Variants in OPCML observed in about 807,000 individuals in gnomAD.
OPCML encodes opioid-binding protein/cell adhesion molecule.
OPCML carries 13 observed loss-of-function variants against 37.8 expected under a neutral mutation model. That is an observed-to-expected ratio of 0.34 (90% CI 0.22 to 0.55). The LOEUF (loss-of-function observed/expected upper bound fraction) is 0.55. OPCML is among the 20% of genes least tolerant of loss of function. The pLI is 0.91. For synonymous variants in OPCML, 176 were observed against 168.8 expected (o/e 1.04, Z -0.33); for missense variants, 341 against 435.6 (o/e 0.78, Z 1.93).
intron 1 of OPCML, among the ~76,000 whole-genome samples, chr11:132,979,884 C>A (rs193021679): frequency 1.3e-5 from 2 of 152,120 alleles, no homozygotes; most frequent in African/African-American, 4.8e-5. Flanking sequence ...CAGGAGGAAG[C>A]CTGACTATTC....
At chr11:132,584,953 G>A (rs891082371) in intron 3 of OPCML, among the ~76,000 whole-genome samples, 2 of 152,194 alleles carry the variant, frequency 1.3e-5, no homozygotes, top group African/African-American at 4.8e-5. Flanking sequence ...TATTTGAACA[G>A]TTGGCTGCCT....
chr11:132,906,492 T>C (rs1393754497), intron 2 of OPCML, among the ~76,000 whole-genome samples: 1 of 152,180 alleles, frequency 6.6e-6, no homozygotes, highest in Non-Finnish European at 1.5e-5. Flanking sequence ...TTTTTGGTAA[T>C]ATTAATTTTA....
intron 2 of OPCML, among the ~76,000 whole-genome samples, chr11:132,735,823 T>C (rs963844563): frequency 6.6e-6 from 1 of 152,050 alleles, no homozygotes. Flanking sequence ...CAGATTGGAT[T>C]GAAAGAAAAC....
At chr11:133,411,974 G>A (rs1046356494) in intron 1 of OPCML, among the ~76,000 whole-genome samples, 1 of 152,128 alleles carries the variant, frequency 6.6e-6, no homozygotes, top group Non-Finnish European at 1.5e-5. Flanking sequence ...CATGGAGGCA[G>A]CTACTTATTT....
At chr11:132,819,919 A>G (rs768103176) in intron 2 of OPCML, among the ~76,000 whole-genome samples, 2 of 152,096 alleles carry the variant, frequency 1.3e-5, no homozygotes, top group Non-Finnish European at 2.9e-5. Flanking sequence ...GCTTCCTTTA[A>G]TGATGTGCCT....
rs534206118 is a variant in OPCML at position 132,499,365 on chromosome 11, A to G, written c.505+29696T>C. Among the ~76,000 whole-genome samples, 333 of 152,282 alleles carry G rather than the reference A, an allele frequency of 2.2e-3. 5 individuals carry two copies. The highest frequency in any genetic ancestry group is 6.0e-3 in the South Asian group (29 of 4,824). ...TTACGCTGCCTCCCTCAGAAGAGCT[A>G]AGATTGAGGGCTTGTCAGCAGCTGG... On this transcript the variant is annotated intron_variant, in intron 4 of 7. Coordinates refer to ENST00000524381, the MANE Select transcript of OPCML (RefSeq NM_001012393.5).
Position 133,032,401 on chromosome 11 carries a change from C to G in OPCML, c.62-89391G>C, listed in dbSNP as rs138876924. 7.9e-5 allele frequency among the ~76,000 whole-genome samples: 12 copies of G among 152,264 alleles called. No homozygotes were observed. The East Asian group carries it at 2.3e-3, about 29-fold the overall frequency. On this transcript the variant is annotated intron_variant, in intron 1 of 7. Coordinates refer to ENST00000524381, the MANE Select transcript of OPCML (RefSeq NM_001012393.5). ...CTTTATTGGTGGGCTCAGTCTTCAT[C>G]CAGAATGTGTAGTCTATCCCAGCTC...
At chr11:132,910,639 T>G (rs1188914614) in intron 2 of OPCML, among the ~76,000 whole-genome samples, 1 of 152,216 alleles carries the variant, frequency 6.6e-6, no homozygotes, top group Non-Finnish European at 1.5e-5. Context: ...AGATGATCCC[T>G]TCATCACCTG....
At chr11:132,451,439 C>T (rs2096068149) in intron 4 of OPCML, among the ~76,000 whole-genome samples, 1 of 152,152 alleles carries the variant, frequency 6.6e-6, no homozygotes, top group African/African-American at 2.4e-5. Context: ...ACCACAGAGG[C>T]ACAGAACACT....
At chr11:133,410,993 T>G (rs1004284937) in intron 1 of OPCML, among the ~76,000 whole-genome samples, 1 of 152,154 alleles carries the variant, frequency 6.6e-6, no homozygotes, top group Non-Finnish European at 1.5e-5. Flanking sequence ...TCCTCAAGCA[T>G]CTTCGCATTT....
intron 4 of OPCML, among the ~76,000 whole-genome samples, chr11:132,466,393 A>T (rs893162472): frequency 1.3e-5 from 2 of 151,206 alleles, no homozygotes; most frequent in Non-Finnish European, 2.9e-5. Flanking sequence ...CTGAGGCAGG[A>T]GAATGGCGTG....
chr11:133,124,784 A>G (rs1191781684), intron 1 of OPCML, among the ~76,000 whole-genome samples: 1 of 152,146 alleles, frequency 6.6e-6, no homozygotes, highest in African/African-American at 2.4e-5. Context: ...TTTTCCTCAT[A>G]GTCTCCTTGT....
intron 2 of OPCML, among the ~76,000 whole-genome samples, chr11:132,737,287 G>A (rs375115823): frequency 6.7e-4 from 102 of 152,204 alleles, no homozygotes; most frequent in African/African-American, 2.3e-3. Context: ...TAATCCTTGG[G>A]TTGCAGTTTT....
At chr11:133,071,874 C>T (rs2137011209) in intron 1 of OPCML, among the ~76,000 whole-genome samples, 1 of 152,274 alleles carries the variant, frequency 6.6e-6, no homozygotes, top group East Asian at 1.9e-4. Context: ...AATCCAAGAG[C>T]AAATCTTCCT....
At chr11:133,091,208 G>T (rs533956976) in intron 1 of OPCML, among the ~76,000 whole-genome samples, 1 of 152,208 alleles carries the variant, frequency 6.6e-6, no homozygotes, top group South Asian at 2.1e-4. Flanking sequence ...TGCTAATTCT[G>T]CAGGTGTGTA....
intron 2 of OPCML, among the ~76,000 whole-genome samples, chr11:132,839,203 G>A (rs913588597): frequency 6.6e-6 from 1 of 152,152 alleles, no homozygotes; most frequent in African/African-American, 2.4e-5. Context: ...GAAAAAAACA[G>A]ACCTAGCAGA....
At chr11:133,305,269 A>G (rs765500929) in intron 1 of OPCML, among the ~76,000 whole-genome samples, 2 of 152,204 alleles carry the variant, frequency 1.3e-5, no homozygotes, top group Non-Finnish European at 2.9e-5. Context: ...CTTCAGATTC[A>G]TGGGCTTCCC....
chr11:133,070,095 G>A (rs961769582), intron 1 of OPCML, among the ~76,000 whole-genome samples: 4 of 152,226 alleles, frequency 2.6e-5, no homozygotes, highest in African/African-American at 7.2e-5. Flanking sequence ...CATTTGTGTC[G>A]GGTGGGGCAA....
chr11:132,529,026 T>C (rs2096316311), intron 4 of OPCML, 35 bp downstream of exon 4: 1 of 1,356,702 alleles, frequency 7.4e-7, no homozygotes. Flanking sequence ...TTTAACATAC[T>C]ACCTCTGAAA....
Sources: allele counts gnomAD v4.1 joint callset (sites outside exome capture counted in the v4.1 genomes callset), GRCh38; gene constraint gnomAD v4.1.1; transcripts MANE v1.5; gene names NCBI Gene and HGNC (gene_info 2026-07-23, HGNC 2026-07-21).